The following RPTOR variants were observed in gnomAD, a reference collection of about 807,000 sequenced individuals.
The protein encoded by RPTOR is regulatory associated protein of MTOR complex 1.
A neutral mutation model predicts 169.9 loss-of-function variants in RPTOR; 21 were observed. The observed-to-expected ratio is 0.12, with a 90% CI of 0.09 to 0.18. The LOEUF is 0.18. Among genes scored for constraint, RPTOR ranks in the 10% least tolerant of loss-of-function variants. The probability of loss-of-function intolerance (pLI) is 1.00; values close to 1 mark genes in which losing one functional copy is unlikely to be tolerated. For missense variants in RPTOR, 1,133 were observed against 1,855.9 expected, an observed-to-expected ratio of 0.61 and a Z score of 7.16; for synonymous variants, 732 against 753.2, an observed-to-expected ratio of 0.97 and a Z score of 0.46.
In RPTOR at chr17:80,545,653, G is replaced by T; in HGVS notation, c.24G>T (p.Ser8=). Reference sequence around the variant, plus strand: ...TGATGGAGTCCGAAATGCTGCAATCGCCTCTTCTGGGCCTGGGGGAGGAAG... The same window carrying T: ...TGATGGAGTCCGAAATGCTGCAATCTCCTCTTCTGGGCCTGGGGGAGGAAG... MESEMLQ[S]PLLGLGEEDE... The change falls in exon 1 of 34, where the codon TCG becomes TCT. Residue 8 remains serine, a synonymous_variant. Coordinates refer to ENST00000306801, the MANE Select transcript of RPTOR (RefSeq NM_020761.3). The T allele has an allele frequency of 6.2e-7, 1 of 1,611,838 alleles. No individual in the cohort carries two copies. Among genetic ancestry groups the T allele is most frequent in the Non-Finnish European group, 8.5e-7 (1 of 1,178,912 alleles).
intron 9 of RPTOR, among the ~76,000 whole-genome samples, chr17:80,827,517 CCA>C (rs1278537951): frequency 1.3e-5 from 2 of 152,202 alleles, no homozygotes; most frequent in East Asian, 1.9e-4. Context: ...TCACCTAGTG[CCA>C]CACACAGTCA....
chr17:80,639,765 C>G (rs186638545), intron 2 of RPTOR, among the ~76,000 whole-genome samples: 2 of 152,288 alleles, frequency 1.3e-5, no homozygotes, highest in African/African-American at 4.8e-5. Flanking sequence ...TGAAGGGCTG[C>G]GGATTGGGTG....
At chr17:80,840,397 T>C (rs12944497) in intron 10 of RPTOR, among the ~76,000 whole-genome samples, 66,777 of 122,850 alleles carry the variant, frequency 0.54, 18,655 homozygotes, top group Non-Finnish European at 0.63. Context: ...TCTCACTGCA[T>C]GGCAGCTCAC....
At chr17:80,731,645 T>C (rs1195276727) in intron 5 of RPTOR, among the ~76,000 whole-genome samples, 1 of 152,222 alleles carries the variant, frequency 6.6e-6, no homozygotes, top group Non-Finnish European at 1.5e-5. Context: ...CACAAGAGTG[T>C]CAGAATGAAA....
intron 7 of RPTOR, among the ~76,000 whole-genome samples, chr17:80,799,382 C>T (rs1300076839): frequency 6.6e-6 from 1 of 152,204 alleles, no homozygotes; most frequent in Admixed American, 6.5e-5. Flanking sequence ...GTGCAGATGT[C>T]AGGGAGTCTG....
chr17:80,658,330 A>G (rs2065695419), intron 3 of RPTOR, among the ~76,000 whole-genome samples: 1 of 152,138 alleles, frequency 6.6e-6, no homozygotes. Flanking sequence ...TAGTTTCTGC[A>G]TATTTTACCT....
rs185002629 is a variant in RPTOR at position 80,664,009 on chromosome 17, G to A, written c.348+20199G>A. Among the ~76,000 whole-genome samples the A allele has an allele frequency of 1.8e-3, 270 of 152,242 alleles. 1 individual carries two copies. Among genetic ancestry groups the A allele is most frequent in the African/African-American group, 6.3e-3 (262 of 41,522 alleles). On this transcript the variant is annotated intron_variant, in intron 3 of 33. Transcript: ENST00000306801. ...GTGGGCATTTGCTCTTGACCCTGTG[G>A]TGGCTGAGACAGAAACCTTGGAGGA...
intron 6 of RPTOR, among the ~76,000 whole-genome samples, chr17:80,776,231 T>C (rs975999879): frequency 2.0e-5 from 3 of 152,124 alleles, no homozygotes; most frequent in Non-Finnish European, 2.9e-5. Context: ...AATAATATTT[T>C]CTTATTTTGG....
At chr17:80,855,063 C>T (rs1379955856) in intron 11 of RPTOR, among the ~76,000 whole-genome samples, 2 of 152,142 alleles carry the variant, frequency 1.3e-5, no homozygotes, top group East Asian at 3.8e-4. Context: ...ACAATGTTCA[C>T]AGTGCATTGT....
At chr17:80,842,975 A>G (rs1306616775) in intron 10 of RPTOR, among the ~76,000 whole-genome samples, 1 of 152,206 alleles carries the variant, frequency 6.6e-6, no homozygotes, top group African/African-American at 2.4e-5. Context: ...TCTTTGCACC[A>G]GGACCACACA....
chr17:80,947,404 G>A lies in RPTOR; in HGVS notation c.3265+53G>A, dbSNP rs201248797. 1.9e-3 allele frequency: 2,786 copies of A among 1,484,040 alleles called. 5 individuals carry two copies. Among genetic ancestry groups the A allele is most frequent in the Non-Finnish European group, 2.4e-3 (2,675 of 1,117,482 alleles). 91.9% of individuals were successfully genotyped at this position (1,484,040 alleles called of 1,614,324 possible). On this transcript the variant is annotated intron_variant, in intron 27 of 33. Coordinates refer to ENST00000306801, the MANE Select transcript of RPTOR (RefSeq NM_020761.3). The surrounding 1 kb of genome is among the most constrained non-coding windows in gnomAD (Gnocchi z 4.4). ...GGAAGCCAGGGTCTGGAGGAGTGGC[G>A]GGGAGGGTGTGTGATCCTGAGATGT...
At chr17:80,921,906 A>G (rs2068749433) in intron 21 of RPTOR, among the ~76,000 whole-genome samples, 1 of 152,084 alleles carries the variant, frequency 6.6e-6, no homozygotes, top group Admixed American at 6.5e-5. Flanking sequence ...CATGCAGTGC[A>G]CCCAGCACCA....
chr17:80,624,678 G>T (rs1164304014), intron 1 of RPTOR, among the ~76,000 whole-genome samples: 1 of 152,208 alleles, frequency 6.6e-6, no homozygotes, highest in Non-Finnish European at 1.5e-5. Context: ...GACACAACTG[G>T]CTAGTTTTAT....
At chr17:80,863,154 G>A (rs568640309) in intron 13 of RPTOR, among the ~76,000 whole-genome samples, 73 of 152,160 alleles carry the variant, frequency 4.8e-4, no homozygotes, top group Admixed American at 1.4e-3. Context: ...AGTGTGTGCC[G>A]TTTACATGAG....
intron 2 of RPTOR, among the ~76,000 whole-genome samples, chr17:80,632,760 CA>C (rs1360662429): frequency 6.6e-6 from 1 of 152,114 alleles, no homozygotes; most frequent in Non-Finnish European, 1.5e-5. Context: ...AGCACATTTG[CA>C]GGAGTGTGTA....
intron 3 of RPTOR, among the ~76,000 whole-genome samples, chr17:80,663,220 C>T (rs1201128572): frequency 6.6e-6 from 1 of 152,172 alleles, no homozygotes; most frequent in Non-Finnish European, 1.5e-5. Flanking sequence ...TCACGCTGCA[C>T]CTGTTTCCAG....
chr17:80,674,965 A>C (rs1247214914), intron 3 of RPTOR, among the ~76,000 whole-genome samples: 3 of 152,212 alleles, frequency 2.0e-5, no homozygotes, highest in Non-Finnish European at 4.4e-5. Context: ...TCAGGTGACC[A>C]GTTGCTTCCA....
chr17:80,949,820 A>T (rs901365361), intron 28 of RPTOR, among the ~76,000 whole-genome samples: 1 of 152,258 alleles, frequency 6.6e-6, no homozygotes, highest in Non-Finnish European at 1.5e-5. Flanking sequence ...GCTTGCAGAC[A>T]TGTGCTGCTT....
At chr17:80,953,833 G>C (rs1371609097) in intron 28 of RPTOR, among the ~76,000 whole-genome samples, 1 of 152,216 alleles carries the variant, frequency 6.6e-6, no homozygotes, top group Non-Finnish European at 1.5e-5. Context: ...CCGCCCGGTT[G>C]CACACCGGCC....
Sources: gnomAD v4.1 joint callset for allele counts (sites outside exome capture counted in the v4.1 genomes callset) on GRCh38, gnomAD v4.1.1 for gene constraint, Gnocchi (gnomAD v3.1) non-coding constraint, MANE v1.5 for transcripts, NCBI Gene and HGNC (gene_info 2026-07-23, HGNC 2026-07-21) for gene names.